Variants in CCDC171 observed in about 807,000 individuals in gnomAD.
CCDC171 encodes the protein coiled-coil domain-containing protein 171.
A neutral mutation model predicts 168.2 loss-of-function variants in CCDC171; 177 were observed. The observed-to-expected ratio is 1.05, with a 90% CI of 0.93 to 1.19. The LOEUF (loss-of-function observed/expected upper bound fraction) is 1.19. CCDC171 is among the 50% of genes most tolerant of loss of function. The pLI, the probability that CCDC171 is intolerant of heterozygous loss-of-function variation, is 0.00. For missense variants in CCDC171, 1,991 were observed against 1,539.0 expected, an observed-to-expected ratio of 1.29 and a Z score of -4.91; for synonymous variants, 687 against 540.8, an observed-to-expected ratio of 1.27 and a Z score of -3.75.
At chr9:16,096,049 A>C in the CCDC171 span, among the ~76,000 whole-genome samples, 2 of 152,026 alleles carry the variant, frequency 1.3e-5, no homozygotes, top group African/African-American at 4.8e-5. Flanking sequence ...ATAGTAAATA[A>C]TGGTCCCAGC....
At chr9:15,943,960 A>G (rs573750563) in intron 25 of CCDC171, among the ~76,000 whole-genome samples, 13 of 152,166 alleles carry the variant, frequency 8.5e-5, no homozygotes, top group Non-Finnish European at 1.8e-4. Context: ...TGAACAAGGA[A>G]TTCCAGGCAG....
rs140586516 is a variant in CCDC171 at position 15,682,911 on chromosome 9, T to G, written c.1215+4015T>G. On this transcript the variant is annotated intron_variant, in intron 10 of 25. Coordinates refer to ENST00000380701, the MANE Select transcript of CCDC171 (RefSeq NM_173550.4). ...TCTAGTTTAAGATGCTGACTGATCA[T>G]GCTTATTAAAGTCCATCTGAGGCTC... is the stretch of plus-strand genomic sequence containing the variant. 2.4e-4 allele frequency among the ~76,000 whole-genome samples: 37 copies of G among 152,180 alleles called. No homozygotes were observed. The East Asian group carries it at 6.9e-3, about 29-fold the overall frequency.
Position 15,793,551 on chromosome 9 carries a change from GTTTTTTTTTTTTTTT to G in CCDC171, c.3267+8872_3267+8886del, listed in dbSNP as rs3082839. Among the ~76,000 whole-genome samples, 24 of 77,060 alleles carry G rather than the reference GTTTTTTTTTTTTTTT, an allele frequency of 3.1e-4. 1 individual carries two copies. Among genetic ancestry groups the G allele is most frequent in the Admixed American group, 2.5e-3 (14 of 5,638 alleles). The allele number at this position is 77,060 out of a possible 152,430, so 50.6% of individuals were successfully genotyped here. Reference sequence around the variant, plus strand: ...AGCACCACATCGCACTTATTCCAAGGTTTTTTTTTTTTTTTTTTTTTTTTTTTTTGAGACAGAGTC... The same window carrying G: ...AGCACCACATCGCACTTATTCCAAGGTTTTTTTTTTTTTTGAGACAGAGTC... On this transcript the variant is annotated intron_variant, in intron 21 of 25. Coordinates refer to ENST00000380701, the MANE Select transcript of CCDC171 (RefSeq NM_173550.4).
chr9:15,837,032 G>T (rs1385820921), intron 21 of CCDC171, among the ~76,000 whole-genome samples: 3 of 152,182 alleles, frequency 2.0e-5, no homozygotes, highest in Non-Finnish European at 4.4e-5. Context: ...CTCTTCACTA[G>T]TTTGGTCAGT....
At chr9:15,758,607 T>A (rs554559976) in intron 18 of CCDC171, among the ~76,000 whole-genome samples, 20 of 152,198 alleles carry the variant, frequency 1.3e-4, no homozygotes, top group African/African-American at 4.6e-4. Flanking sequence ...GGACATGAGA[T>A]GTGGGAGGGA....
chr9:15,702,902 GTT>G (rs35364758), intron 11 of CCDC171, among the ~76,000 whole-genome samples: 1,874 of 143,116 alleles, frequency 0.013, 49 homozygotes, highest in African/African-American at 0.044. Flanking sequence ...TAGGGCCTTG[GTT>G]TTTTTTTTTT....
At chr9:15,564,612 C>G (rs774977882) in intron 2 of CCDC171, among the ~76,000 whole-genome samples, 11 of 152,192 alleles carry the variant, frequency 7.2e-5, no homozygotes, top group Non-Finnish European at 1.2e-4. Context: ...CGCCTAATTG[C>G]TGTTGCTCAT....
intron 23 of CCDC171, among the ~76,000 whole-genome samples, chr9:15,856,671 G>A (rs1209710419): frequency 1.3e-5 from 2 of 152,022 alleles, no homozygotes; most frequent in Admixed American, 6.6e-5. Flanking sequence ...GAACTTGGGA[G>A]TGTATATATT....
At chr9:15,731,215 C>G (rs1394398885) in intron 16 of CCDC171, among the ~76,000 whole-genome samples, 1 of 152,056 alleles carries the variant, frequency 6.6e-6, no homozygotes, top group Non-Finnish European at 1.5e-5. Flanking sequence ...CTCTCTCCAT[C>G]CCTTTCCTCC....
chr9:16,096,698 C>T, the CCDC171 span, among the ~76,000 whole-genome samples: 1 of 152,198 alleles, frequency 6.6e-6, no homozygotes, highest in African/African-American at 2.4e-5. Flanking sequence ...TTCTCCATGA[C>T]ACACTTCTTG....
chr9:15,868,093 G>C (rs1441662052), intron 23 of CCDC171, among the ~76,000 whole-genome samples: 10 of 151,964 alleles, frequency 6.6e-5, no homozygotes, highest in Non-Finnish European at 1.5e-4. Flanking sequence ...CTGTAATTGG[G>C]ATGTAACTAT....
intron 24 of CCDC171, among the ~76,000 whole-genome samples, chr9:15,905,430 C>A (rs1054245661): frequency 1.3e-5 from 2 of 152,046 alleles, no homozygotes; most frequent in Non-Finnish European, 2.9e-5. Flanking sequence ...CTACTGGGTA[C>A]ATAATGAAAT....
chr9:15,868,358 C>T (rs972035056), intron 23 of CCDC171, among the ~76,000 whole-genome samples: 1 of 151,986 alleles, frequency 6.6e-6, no homozygotes, highest in Non-Finnish European at 1.5e-5. Flanking sequence ...ACAGCTGGAA[C>T]TGTTGCTTAT....
intron 1 of CCDC171, among the ~76,000 whole-genome samples, chr9:16,046,836 ACT>A (rs1833670307): frequency 1.3e-5 from 2 of 152,078 alleles, no homozygotes; most frequent in South Asian, 4.2e-4. Flanking sequence ...TTTACAAATT[ACT>A]CAGCCTTGGG....
At chr9:15,557,237 TC>T (rs2038885282) in intron 1 of CCDC171, among the ~76,000 whole-genome samples, 2 of 152,122 alleles carry the variant, frequency 1.3e-5, no homozygotes, top group South Asian at 4.1e-4. Flanking sequence ...CTTTTTTGGT[TC>T]CATATGAATT....
At position 15,848,962 on chromosome 9, in the gene CCDC171, CT is replaced by C; in HGVS notation, c.3468+18del. ...CGCTTCACAAGGTACTGTTATTTTT[CT>C]TTAATATTGTTCAATTTGTGTCATG... On this transcript the variant is annotated intron_variant, in intron 23 of 25. Coordinates refer to ENST00000380701, the MANE Select transcript of CCDC171 (RefSeq NM_173550.4). 1 of 1,432,868 alleles carries C rather than the reference CT, an allele frequency of 7.0e-7. No individual in the cohort carries two copies. The highest frequency in any genetic ancestry group is 9.6e-7 in the Non-Finnish European group (1 of 1,045,300). The allele number at this position is 1,432,868 out of a possible 1,614,324, so 88.8% of individuals were successfully genotyped here. A position where few individuals can be genotyped will look rare whatever the true frequency, so the allele number is the denominator to read the frequency against.
chr9:15,627,916 G>C (rs2045307108), intron 7 of CCDC171, among the ~76,000 whole-genome samples: 1 of 152,128 alleles, frequency 6.6e-6, no homozygotes, highest in Non-Finnish European at 1.5e-5. Flanking sequence ...TGACAGTGGG[G>C]TGTTAAAGTC....
At chr9:15,929,212 A>G (rs1184225434) in intron 25 of CCDC171, among the ~76,000 whole-genome samples, 1 of 151,754 alleles carries the variant, frequency 6.6e-6, no homozygotes, top group Non-Finnish European at 1.5e-5. Flanking sequence ...ATTAGTAATT[A>G]AGTTGCAGAA....
At chr9:16,018,694 C>G (rs1226063556) in intron 3 of CCDC171, among the ~76,000 whole-genome samples, 1 of 152,212 alleles carries the variant, frequency 6.6e-6, no homozygotes, top group Non-Finnish European at 1.5e-5. Context: ...GAGCTGTGCT[C>G]CAACACAGTG....
Sources: allele counts gnomAD v4.1 joint callset (sites outside exome capture counted in the v4.1 genomes callset), GRCh38; gene constraint gnomAD v4.1.1; transcripts MANE v1.5; gene names NCBI Gene and HGNC (gene_info 2026-07-23, HGNC 2026-07-21).